FMNL3: variants seen among roughly 807,000 people sequenced by gnomAD.
The protein encoded by FMNL3 is formin like 3, also known as formin-like protein 3.
Under a neutral mutation model 119.6 loss-of-function variants are expected in FMNL3, and 57 were observed. That is an observed-to-expected ratio of 0.48 (90% CI 0.39 to 0.59). The LOEUF (loss-of-function observed/expected upper bound fraction) is 0.59. Ranked by LOEUF, FMNL3 falls within the 20% of genes least tolerant of loss-of-function variation. The pLI is 0.00. For synonymous variants in FMNL3, 491 were observed against 507.3 expected (o/e 0.97, Z 0.43); for missense variants, 1,053 against 1,323.5 (o/e 0.80, Z 3.17).
rs907838569 is a variant in FMNL3, at chr12:49,651,226, T to G, written c.1739A>C (p.Lys580Thr). The G allele has an allele frequency of 6.2e-7, 1 of 1,613,880 alleles. No individual in the cohort carries two copies. The change falls in exon 16 of 26, where the codon AAA becomes ACA. Residue 580 changes from lysine (K) to threonine (T), a missense_variant. Physicochemically the swap from Lys to Thr is moderately conservative, Grantham distance 78 (BLOSUM62 -1). This residue lies in a region of FMNL3 where 445 missense variants were observed against 628.4 expected (regional missense o/e 0.71). Coordinates refer to ENST00000335154, the MANE Select transcript of FMNL3 (RefSeq NM_175736.5). ...GACAGTGCCACTGATCTGGTTGGGTTTCAGTGCTGTCCAGTTGAAGACAGG... is the reference window on the plus strand; with the variant it reads ...GACAGTGCCACTGATCTGGTTGGGTGTCAGTGCTGTCCAGTTGAAGACAGG... ...RLPVFNWTAL[K>T]PNQISGTVFS...
At chr12:49,699,168 G>C (rs1244202949) in intron 1 of FMNL3, among the ~76,000 whole-genome samples, 1 of 152,180 alleles carries the variant, frequency 6.6e-6, no homozygotes, top group African/African-American at 2.4e-5. Context: ...CCCCAGAATG[G>C]AAGTGACTGG....
chr12:49,666,282 A>G (rs1274571655), intron 2 of FMNL3, 75 bp from the exon 3 acceptor site: 1 of 1,334,494 alleles, frequency 7.5e-7, no homozygotes, highest in African/African-American at 1.5e-5. Flanking sequence ...GAAGAAGAGC[A>G]TTCATAGTGT....
chr12:49,648,083 TAGCC>T (rs1160099875), intron 22 of FMNL3, 106 bp downstream of exon 22: 1 of 1,352,840 alleles, frequency 7.4e-7, no homozygotes, highest in Non-Finnish European at 9.9e-7. Flanking sequence ...CCCCTACATG[TAGCC>T]AGCCAGCTGC....
chr12:49,645,844 C>T lies in FMNL3; in HGVS notation c.3055G>A (p.Gly1019Ser). Reference protein sequence around the residue: ...HQARSAAPPSGPPRAPGPH With the variant: ...HQARSAAPPSSPPRAPGPH ...TGGGGGCCTGGAGCCCGAGGGGGACCACTGGGCGGTGCAGCACTCCTGGCT... is the reference window on the plus strand; with the variant it reads ...TGGGGGCCTGGAGCCCGAGGGGGACTACTGGGCGGTGCAGCACTCCTGGCT... The change falls in exon 26 of 26, where the codon GGT becomes AGT. Residue 1019 changes from glycine (G) to serine (S), a missense_variant. Coordinates refer to ENST00000335154, the MANE Select transcript of FMNL3 (RefSeq NM_175736.5). 4.4e-6 allele frequency: 7 copies of T among 1,605,404 alleles called. No homozygotes were observed. Among genetic ancestry groups the T allele is most frequent in the South Asian group, 3.3e-5 (3 of 90,298 alleles).
rs1942148844 is a variant in FMNL3, at chr12:49,638,441, C to A, written c.*7374G>T. 1 of 152,288 alleles carries A rather than the reference C, an allele frequency of 6.6e-6. No homozygotes were observed. The highest frequency in any genetic ancestry group is 2.4e-5 in the African/African-American group (1 of 41,436). The allele number at this position is 152,288 out of a possible 1,614,324, so 9.4% of individuals were successfully genotyped here. On this transcript the variant is annotated 3_prime_UTR_variant, in exon 26 of 26. Transcript: ENST00000335154. Reference sequence around the variant, plus strand: ...AGAAAGGGCAAGTCATCCTTCTCACCATTCCTTAGTGCCTTCTTGATACTG... The same window carrying A: ...AGAAAGGGCAAGTCATCCTTCTCACAATTCCTTAGTGCCTTCTTGATACTG...
Position 49,637,931 on chromosome 12 carries a change from C to T in FMNL3, c.*7884G>A. The T allele has an allele frequency of 2.4e-6, 2 of 849,682 alleles. No individual in the cohort carries two copies. Among genetic ancestry groups the T allele is most frequent in the Non-Finnish European group, 1.9e-6 (1 of 519,514 alleles). 52.6% of individuals were successfully genotyped at this position (849,682 alleles called of 1,614,324 possible). A position where few individuals can be genotyped will look rare whatever the true frequency, so the allele number is the denominator to read the frequency against. On this transcript the variant is annotated 3_prime_UTR_variant, in exon 26 of 26. Transcript: ENST00000335154. Reference sequence around the variant, plus strand: ...TTTGCAGAAGCATTACAGCTTGGTTCAGCAGATATCTACTGTGATCCTTTA... The same window carrying T: ...TTTGCAGAAGCATTACAGCTTGGTTTAGCAGATATCTACTGTGATCCTTTA...
chr12:49,688,355 T>G, intron 1 of FMNL3: 1 of 455,512 alleles, frequency 2.2e-6, no homozygotes, highest in Non-Finnish European at 4.4e-6. Flanking sequence ...CTCTTAACCT[T>G]ATAAAGCATA....
In FMNL3 at chr12:49,642,085, TCTCA is replaced by T; in HGVS notation, c.*3726_*3729del. On this transcript the variant is annotated 3_prime_UTR_variant, in exon 26 of 26. Coordinates refer to ENST00000335154, the MANE Select transcript of FMNL3 (RefSeq NM_175736.5). This position sits in a 1 kb window ranked among gnomAD's most constrained non-coding sequence, Gnocchi z 5.8. ...TTCATCTGTGTCTTGCTCCATTCCTTCTCACTCACTGTCCCACTGACTATATTCC... is the reference window on the plus strand; with the variant it reads ...TTCATCTGTGTCTTGCTCCATTCCTTCTCACTGTCCCACTGACTATATTCC... The T allele has an allele frequency of 6.2e-7, 1 of 1,604,572 alleles. No individual in the cohort carries two copies.
chr12:49,704,390 T>G (rs1368375977), intron 1 of FMNL3, among the ~76,000 whole-genome samples: 1 of 152,194 alleles, frequency 6.6e-6, no homozygotes, highest in Non-Finnish European at 1.5e-5. Context: ...GAACAGTTTA[T>G]CTGACTGTTT....
In FMNL3 at chr12:49,670,980, G is replaced by A. The variant is rs541682497; in HGVS notation, c.127-2426C>T. Reference sequence around the variant, plus strand: ...GCTCTGTGCATATCCTAAACACATCGCTGCCATCTGACCATTTCTCCTAAG... The same window carrying A: ...GCTCTGTGCATATCCTAAACACATCACTGCCATCTGACCATTTCTCCTAAG... On this transcript the variant is annotated intron_variant, in intron 1 of 25. Transcript: ENST00000335154. Among the ~76,000 whole-genome samples the A allele has an allele frequency of 3.9e-5, 6 of 152,292 alleles. No individual in the cohort carries two copies. In the South Asian group the frequency reaches 6.2e-4, roughly 16 times the overall value.
chr12:49,651,029 T>C (rs1232308479), intron 16 of FMNL3, 139 bp downstream of exon 16: 2 of 1,452,554 alleles, frequency 1.4e-6, no homozygotes, highest in African/African-American at 2.8e-5. Flanking sequence ...GAAATATACG[T>C]ACACTCAAGA....
chr12:49,686,021 T>G (rs1013802415), intron 1 of FMNL3, among the ~76,000 whole-genome samples: 1 of 152,082 alleles, frequency 6.6e-6, no homozygotes, highest in Non-Finnish European at 1.5e-5. Flanking sequence ...GAGCTGAGAT[T>G]GTGCCACTGT....
At chr12:49,687,167 C>G (rs551651588) in intron 1 of FMNL3, among the ~76,000 whole-genome samples, 24 of 150,810 alleles carry the variant, frequency 1.6e-4, no homozygotes, top group African/African-American at 5.6e-4. Context: ...GATCTCGGCT[C>G]ACTGCACCCT....
Position 49,648,197 on chromosome 12 carries a change from GC to G in FMNL3, c.2671del (p.Ala891LeufsTer51), listed in dbSNP as rs1943273073. The G allele has an allele frequency of 6.2e-7, 1 of 1,612,502 alleles. No homozygotes were observed. The highest frequency in any genetic ancestry group is 1.1e-5 in the South Asian group (1 of 90,890). On this transcript the variant is annotated frameshift_variant, in exon 22 of 26. Coordinates refer to ENST00000335154, the MANE Select transcript of FMNL3 (RefSeq NM_175736.5). LOFTEE classifies it high-confidence loss of function. Reference protein sequence around the residue: ...LDKLQRDAKTAEEAYNAVVRY... With the variant: ...LDKLQRDAKTXEEAYNAVVRY... ...CCGCCTGCACCCCGTGCTTGCCTCA[GC>G]CGTCTTGGCGTCCCGCTGGAGCTTG...
At chr12:49,695,541 AGTT>A (rs1944727847) in intron 1 of FMNL3, among the ~76,000 whole-genome samples, 2 of 152,146 alleles carry the variant, frequency 1.3e-5, no homozygotes, top group Admixed American at 6.5e-5. Context: ...TGCCTCATAG[AGTT>A]GTTGTTAAGT....
In FMNL3 at chr12:49,651,953, G is replaced by C; in HGVS notation, c.1583C>G (p.Pro528Arg). The C allele has an allele frequency of 6.3e-7, 1 of 1,595,212 alleles. No individual in the cohort carries two copies. The highest frequency in any genetic ancestry group is 8.6e-7 in the Non-Finnish European group (1 of 1,168,596). Residue 528 changes from proline (P) to arginine (R), a missense_variant, in exon 14 of 26, where the codon CCT becomes CGT. By Grantham distance (103) the Pro-to-Arg change is moderately radical. Around this residue, in one of 4 missense-constraint regions of FMNL3, gnomAD observed 445 missense variants for 628.4 expected, o/e 0.71. Coordinates refer to ENST00000335154, the MANE Select transcript of FMNL3 (RefSeq NM_175736.5). ...GTTACCTGGTAATGGGGGAGGTGGA[G>C]GGGGCAAGGGCGGAGCTGGTGGTGG... is the stretch of plus-strand genomic sequence containing the variant. ...LPPPPAPPLP[P>R]PPPPLPDKCP...
rs1290826379 is a variant in FMNL3 at position 49,652,046 on chromosome 12, C to T, written c.1490G>A (p.Gly497Asp). ...ARVGPAELSE[G>D]MPPSDLDLLA... ...AAGGTCCAGGTCGGAGGGTGGCATG[C>T]CCTCACTCAGCTCTGCAGGGCCTAC... Residue 497 changes from glycine to aspartate, a missense_variant, in exon 14 of 26, where the codon GGC becomes GAC. Gly to Asp is a moderately conservative substitution (Grantham distance 94, BLOSUM62 -1). Around this residue, in one of 4 missense-constraint regions of FMNL3, gnomAD observed 445 missense variants for 628.4 expected, o/e 0.71. Transcript: ENST00000335154. The T allele has an allele frequency of 1.9e-6, 3 of 1,610,332 alleles. No homozygotes were observed. The highest frequency in any genetic ancestry group is 1.7e-6 in the Non-Finnish European group (2 of 1,178,404).
chr12:49,700,199 T>C (rs1944864418), intron 1 of FMNL3, among the ~76,000 whole-genome samples: 1 of 151,380 alleles, frequency 6.6e-6, no homozygotes, highest in Non-Finnish European at 1.5e-5. Context: ...GAGACCATCC[T>C]GGCTAACATG....
intron 1 of FMNL3, among the ~76,000 whole-genome samples, chr12:49,699,498 C>A (rs1019996931): frequency 1.3e-5 from 2 of 152,180 alleles, no homozygotes; most frequent in African/African-American, 4.8e-5. Flanking sequence ...ACTGTCCCAG[C>A]TGCAGAACAC....
Sources: allele counts gnomAD v4.1 joint callset (sites outside exome capture counted in the v4.1 genomes callset), GRCh38; gene constraint gnomAD v4.1.1; regional missense constraint gnomAD v4.1.1; non-coding constraint Gnocchi (gnomAD v3.1); transcripts MANE v1.5; gene names NCBI Gene and HGNC (gene_info 2026-07-23, HGNC 2026-07-21).